The following DNAH9 variants were observed in gnomAD, a reference collection of about 807,000 sequenced individuals.
DNAH9 encodes DNAH9 variant protein.
A neutral mutation model predicts 471.6 loss-of-function variants in DNAH9; 345 were observed. The observed-to-expected ratio is 0.73, with a 90% CI of 0.67 to 0.80. DNAH9 has a LOEUF of 0.80. DNAH9 is among the 30% of genes least tolerant of loss of function. The pLI, the probability that DNAH9 is intolerant of heterozygous loss-of-function variation, is 0.00. For missense variants in DNAH9, 5,407 were observed against 5,609.2 expected (o/e 0.96, Z 1.15); for synonymous variants, 2,093 against 2,123.6 (o/e 0.99, Z 0.40).
chr17:11,617,442 C>T lies in DNAH9; in HGVS notation c.936C>T (p.His312=). The change falls in exon 5 of 69, where the codon CAC becomes CAT. Residue 312 remains histidine, a synonymous_variant. Coordinates refer to ENST00000262442, the MANE Select transcript of DNAH9 (RefSeq NM_001372.4). ...CAGAGGCACAGGACATCCATGTGCA[C>T]CTGATACCGCTCCAGCGCCACCTGG... The part of the protein sequence containing the change: ...ALAEAQDIHV[H]LIPLQRHLEA... 1 of 1,614,142 alleles carries T rather than the reference C, an allele frequency of 6.2e-7. No homozygotes were observed. Among genetic ancestry groups the T allele is most frequent in the Non-Finnish European group, 8.5e-7 (1 of 1,179,988 alleles).
chr17:11,784,699 C>A (rs1053290934), intron 41 of DNAH9, among the ~76,000 whole-genome samples, 160 bp downstream of exon 41: 2 of 152,112 alleles, frequency 1.3e-5, no homozygotes, highest in African/African-American at 4.8e-5. Context: ...GTGCCATGGG[C>A]TCCATGAGGA....
intron 23 of DNAH9, among the ~76,000 whole-genome samples, chr17:11,700,442 C>T (rs563849498): frequency 6.6e-5 from 10 of 152,318 alleles, no homozygotes; most frequent in East Asian, 1.9e-4. Flanking sequence ...ACACAAACCA[C>T]GGGACCATTT....
intron 38 of DNAH9, among the ~76,000 whole-genome samples, chr17:11,772,070 T>C (rs1299397175): frequency 6.6e-6 from 1 of 152,178 alleles, no homozygotes; most frequent in Non-Finnish European, 1.5e-5. Flanking sequence ...TAGGCTATAC[T>C]GCTTCCCTGC....
intron 65 of DNAH9, 104 bp downstream of exon 65, chr17:11,934,175 T>G (rs1974617556): frequency 7.8e-7 from 1 of 1,276,016 alleles, no homozygotes; most frequent in African/African-American, 1.5e-5. Flanking sequence ...TGCTGGGACA[T>G]CACCATGGGC....
intron 41 of DNAH9, among the ~76,000 whole-genome samples, chr17:11,787,901 A>C (rs1855366158): frequency 6.6e-6 from 1 of 152,144 alleles, no homozygotes; most frequent in Admixed American, 6.6e-5. Flanking sequence ...CGTGGTTCTG[A>C]GGCCTCCCCA....
Position 11,891,795 on chromosome 17 carries a change from C to G in DNAH9, c.11131C>G (p.Gln3711Glu). ...FSLKAFSIVF[Q>E]KAVERAAPDE... ...TCCCCAGGCCTTCAGTATCGTCTTC[C>G]AGAAGGCTGTGGAGAGGGCTGCTCC... Residue 3711 changes from glutamine (Q) to glutamate (E), a missense_variant, in exon 58 of 69, where the codon CAG becomes GAG. Coordinates refer to ENST00000262442, the MANE Select transcript of DNAH9 (RefSeq NM_001372.4). 2 of 1,614,092 alleles carry G rather than the reference C, an allele frequency of 1.2e-6. No individual in the cohort carries two copies. Among genetic ancestry groups the G allele is most frequent in the Non-Finnish European group, 1.7e-6 (2 of 1,179,994 alleles).
At chr17:11,664,590 G>A (rs1222140699) in intron 14 of DNAH9, among the ~76,000 whole-genome samples, 1 of 152,140 alleles carries the variant, frequency 6.6e-6, no homozygotes, top group East Asian at 1.9e-4. Context: ...GAGAAGCTGG[G>A]CCAACCCCAT....
chr17:11,598,967 G>T, intron 1 of DNAH9, 52 bp downstream of exon 1: 1 of 1,381,806 alleles, frequency 7.2e-7, no homozygotes, highest in Non-Finnish European at 9.5e-7. Context: ...GGGGAGGGGA[G>T]GAGGAGCCTT....
intron 1 of DNAH9, among the ~76,000 whole-genome samples, chr17:11,602,783 C>G (rs1371817351): frequency 6.6e-6 from 1 of 152,160 alleles, no homozygotes; most frequent in Non-Finnish European, 1.5e-5. Context: ...ATGGCCATTT[C>G]CAGACCTTGC....
At chr17:11,893,007 C>T (rs567141559) in intron 58 of DNAH9, among the ~76,000 whole-genome samples, 9 of 152,098 alleles carry the variant, frequency 5.9e-5, no homozygotes, top group South Asian at 2.1e-4. Context: ...CACTGGCCCA[C>T]GGTTGAAGGC....
rs1974447641 is a variant in DNAH9, at chr17:11,929,873, A to G, written c.11885A>G (p.His3962Arg). The G allele has an allele frequency of 6.2e-7, 1 of 1,612,900 alleles. No homozygotes were observed. The highest frequency in any genetic ancestry group is 1.3e-5 in the African/African-American group (1 of 74,822). Residue 3962 changes from histidine (H) to arginine (R), a missense_variant, in exon 63 of 69, where the codon CAC (histidine) becomes CGC (arginine). Physicochemically the swap from His to Arg is conservative, Grantham distance 29 (BLOSUM62 0). Around this residue, in one of 3 missense-constraint regions of DNAH9, gnomAD observed 4,636 missense variants for 4,900.3 expected, o/e 0.95. Transcript: ENST00000262442. ...CTCCTTCCTTCCCACTAGAACATTC[A>G]CCTGGTGGCCAAGTGGCTCAGCACC... ...KGHWVILQNIHLVAKWLSTLE... is the reference protein window; with the variant it reads ...KGHWVILQNIRLVAKWLSTLE...
At chr17:11,779,152 TGAG>T (rs1968577152) in intron 38 of DNAH9, among the ~76,000 whole-genome samples, 1 of 152,110 alleles carries the variant, frequency 6.6e-6, no homozygotes, top group Non-Finnish European at 1.5e-5. Flanking sequence ...ATACGGGTCT[TGAG>T]GAGAAATTCA....
At chr17:11,887,682 C>A (rs1278294507) in intron 57 of DNAH9, among the ~76,000 whole-genome samples, 1 of 151,936 alleles carries the variant, frequency 6.6e-6, no homozygotes, top group African/African-American at 2.4e-5. Context: ...CACAGAGAAA[C>A]AGGAGAGAGA....
At chr17:11,706,955 T>C (rs2074713159) in intron 26 of DNAH9, among the ~76,000 whole-genome samples, 2 of 152,190 alleles carry the variant, frequency 1.3e-5, no homozygotes, top group Non-Finnish European at 2.9e-5. Context: ...GAAGAATATA[T>C]TCTTTATCCA....
intron 50 of DNAH9, among the ~76,000 whole-genome samples, chr17:11,855,821 A>G (rs969667757): frequency 5.9e-5 from 9 of 152,234 alleles, no homozygotes; most frequent in Non-Finnish European, 1.0e-4. Flanking sequence ...ATCCTTCCAC[A>G]TAGCTTAGTT....
At chr17:11,628,205 A>G (rs16945099) in intron 6 of DNAH9, among the ~76,000 whole-genome samples, 2,557 of 152,252 alleles carry the variant, frequency 0.017, 86 homozygotes, top group African/African-American at 0.059. Flanking sequence ...TGATTTTTAG[A>G]TACTCACAAG....
chr17:11,901,322 C>CT (rs894174229), intron 59 of DNAH9, among the ~76,000 whole-genome samples: 1 of 152,170 alleles, frequency 6.6e-6, no homozygotes, highest in Admixed American at 6.5e-5. Flanking sequence ...GCAAGTATCT[C>CT]TAAGTCAGGG....
At position 11,669,276 on chromosome 17, in the gene DNAH9, C is replaced by A. The variant is rs750317170; in HGVS notation, c.2928+16C>A. 1 of 1,606,246 alleles carries A rather than the reference C, an allele frequency of 6.2e-7. No homozygotes were observed. Among genetic ancestry groups the A allele is most frequent in the Non-Finnish European group, 8.5e-7 (1 of 1,174,866 alleles). The stretch of plus-strand genomic sequence containing the variant: ...TCACTATCAGGTACTGGAGCTGCAG[C>A]CATCCTGCCCTCCAACTGTGTCCCG... On this transcript the variant is annotated intron_variant, in intron 16 of 68. Coordinates refer to ENST00000262442, the MANE Select transcript of DNAH9 (RefSeq NM_001372.4).
rs1292430314 is a variant in DNAH9, at chr17:11,886,805, G to A, written c.10972-20G>A. ...CCCAGGTTGGTTGGAACAGTGGGCTGCTGTTTATTTTTCCAACAGGTCCAG... is the reference window on the plus strand; with the variant it reads ...CCCAGGTTGGTTGGAACAGTGGGCTACTGTTTATTTTTCCAACAGGTCCAG... On this transcript the variant is annotated intron_variant, in intron 56 of 68. Coordinates refer to ENST00000262442, the MANE Select transcript of DNAH9 (RefSeq NM_001372.4). 1.2e-5 allele frequency: 20 copies of A among 1,601,112 alleles called. No homozygotes were observed. The highest frequency in any genetic ancestry group is 1.5e-5 in the Non-Finnish European group (18 of 1,172,788).
Sources: allele counts gnomAD v4.1 joint callset (sites outside exome capture counted in the v4.1 genomes callset), GRCh38; gene constraint gnomAD v4.1.1; regional missense constraint gnomAD v4.1.1; transcripts MANE v1.5; gene names NCBI Gene and HGNC (gene_info 2026-07-23, HGNC 2026-07-21).